Variants in PKLR observed in about 807,000 individuals in gnomAD.
PKLR encodes pyruvate kinase PKLR.
PKLR carries 38 observed loss-of-function variants against 53.6 expected under a neutral mutation model. That is an observed-to-expected ratio of 0.71 (90% CI 0.55 to 0.93). The LOEUF (loss-of-function observed/expected upper bound fraction) is 0.93. Ranked by LOEUF, PKLR falls within the 40% of genes least tolerant of loss-of-function variation. The probability of loss-of-function intolerance (pLI) is 0.00; values close to 1 mark genes in which losing one functional copy is unlikely to be tolerated. For synonymous variants in PKLR, 328 were observed against 316.2 expected, an observed-to-expected ratio of 1.04 and a Z score of -0.39; for missense variants, 702 against 787.3, an observed-to-expected ratio of 0.89 and a Z score of 1.30.
At position 155,298,977 on chromosome 1, in the gene PKLR, T is replaced by C. The variant is rs557773873; in HGVS notation, c.283+1121A>G. ...TCCTTTCTTTCTTTCTTTCTTTCTT[T>C]CTTTCTTTCTTTCTTTCTTTCTTTC... On this transcript the variant is annotated intron_variant, in intron 2 of 10. Transcript: ENST00000342741. 3.8e-3 allele frequency among the ~76,000 whole-genome samples: 322 copies of C among 84,676 alleles called. 3 individuals carry two copies. Among genetic ancestry groups the C allele is most frequent in the African/African-American group, 0.02 (302 of 14,766 alleles). The allele number at this position is 84,676 out of a possible 152,430, so 55.6% of individuals were successfully genotyped here.
rs1482378608 is a variant in PKLR, at chr1:155,293,384, G to T, written c.1270-41C>A. On this transcript the variant is annotated intron_variant, in intron 8 of 10. Transcript: ENST00000342741. This position sits in a 1 kb window ranked among gnomAD's most constrained non-coding sequence, Gnocchi z 4.2. ...TGTTAGTCTGGGAAGGGGCACTGGG[G>T]TATGGAAGGGATTTGGTTCCCTGGC... The T allele has an allele frequency of 2.5e-6, 4 of 1,614,190 alleles. No homozygotes were observed. In the African/African-American group the frequency reaches 4.0e-5, roughly 16 times the overall value.
chr1:155,293,557 T>A lies in PKLR; in HGVS notation c.1150A>T (p.Thr384Ser). 6.2e-7 allele frequency: 1 copy of A among 1,614,204 alleles called. No individual in the cohort carries two copies. Among genetic ancestry groups the A allele is most frequent in the Non-Finnish European group, 8.5e-7 (1 of 1,180,024 alleles). ...GCGACATCGCTTGTCTCTGCCCTCG[T>A]TGGCCGGGGCTTGGTAATCATGCTC... ...LESMITKPRP[T>S]RAETSDVANA... The change falls in exon 8 of 11, where the codon ACG becomes TCG. Residue 384 changes from threonine to serine, a missense_variant. Thr to Ser is a moderately conservative substitution (Grantham distance 58, BLOSUM62 1). Transcript: ENST00000342741. The surrounding 1 kb of genome is among the most constrained non-coding windows in gnomAD (Gnocchi z 4.2).
Position 155,295,484 on chromosome 1 carries a change from C to A in PKLR, c.460G>T (p.Ala154Ser). The A allele has an allele frequency of 2.5e-6, 4 of 1,609,400 alleles. No homozygotes were observed. Among genetic ancestry groups the A allele is most frequent in the Non-Finnish European group, 3.4e-6 (4 of 1,178,080 alleles). ...SPLSYRPVAI[A>S]LDTKGPEIRT... ...ATCTCCGGTCCCTTGGTGTCCAGGG[C>A]GATGGCCACGGGCCGGTAGCTGAGT... Residue 154 changes from alanine (A) to serine (S), a missense_variant, in exon 4 of 11, where the codon GCC (alanine) becomes TCC (serine). By Grantham distance (99) the Ala-to-Ser change is moderately conservative. Around this residue, in one of 2 missense-constraint regions of PKLR, gnomAD observed 519 missense variants for 537.1 expected, o/e 0.97. Transcript: ENST00000342741. This position sits in a 1 kb window ranked among gnomAD's most constrained non-coding sequence, Gnocchi z 4.3.
In PKLR at chr1:155,295,424, C is replaced by G. The variant is rs183197632; in HGVS notation, c.507+13G>C. 1.9e-6 allele frequency: 3 copies of G among 1,610,864 alleles called. No individual in the cohort carries two copies. Among genetic ancestry groups the G allele is most frequent in the Non-Finnish European group, 2.5e-6 (3 of 1,178,630 alleles). Reference sequence around the variant, plus strand: ...CCGGCCCTGGCCCAGCGAGTCCCAGCCCCACTGCTCACCCCCTGCAGGATC... The same window carrying G: ...CCGGCCCTGGCCCAGCGAGTCCCAGGCCCACTGCTCACCCCCTGCAGGATC... On this transcript the variant is annotated intron_variant, in intron 4 of 10. Coordinates refer to ENST00000342741, the MANE Select transcript of PKLR (RefSeq NM_000298.6). The surrounding 1 kb of genome is among the most constrained non-coding windows in gnomAD (Gnocchi z 4.3).
Position 155,295,878 on chromosome 1 carries a change from C to G in PKLR, c.284-122G>C. 1 of 796,924 alleles carries G rather than the reference C, an allele frequency of 1.3e-6. No homozygotes were observed. The highest frequency in any genetic ancestry group is 1.4e-5 in the South Asian group (1 of 70,578). The allele number at this position is 796,924 out of a possible 1,614,324, so 49.4% of individuals were successfully genotyped here. A position where few individuals can be genotyped will look rare whatever the true frequency, so the allele number is the denominator to read the frequency against. On this transcript the variant is annotated intron_variant, in intron 2 of 10. Transcript: ENST00000342741. This position sits in a 1 kb window ranked among gnomAD's most constrained non-coding sequence, Gnocchi z 4.3. ...GGCGTCCTGTTACCTGATCTTTATT[C>G]CCTGATGCAACCCCTGCCCACAGAT...
upstream of PKLR, among the ~76,000 whole-genome samples, chr1:155,306,311 C>T (rs1212242677): frequency 2.6e-5 from 4 of 151,944 alleles, no homozygotes; most frequent in African/African-American, 9.7e-5. The surrounding 1 kb of genome is among the most constrained non-coding windows in gnomAD (Gnocchi z 4.2). Flanking sequence ...CACACATGCA[C>T]AGACACAAAC....
intron 10 of PKLR, among the ~76,000 whole-genome samples, chr1:155,291,544 T>G (rs1674543623): frequency 6.6e-6 from 1 of 151,888 alleles, no homozygotes; most frequent in Middle Eastern, 3.4e-3. Context: ...CAGAGTGTGT[T>G]GCTAAGTAGC....
chr1:155,304,599 G>A (rs954823216), upstream of PKLR, among the ~76,000 whole-genome samples: 9 of 152,166 alleles, frequency 5.9e-5, no homozygotes, highest in Non-Finnish European at 1.0e-4. Flanking sequence ...CCAGCAGAGT[G>A]GAACGGCAAA....
In PKLR at chr1:155,294,511, G is replaced by C. The variant is rs1460894843; in HGVS notation, c.936C>G (p.Ser312Arg). The change falls in exon 6 of 11, where the codon AGC becomes AGG. Residue 312 changes from serine (S) to arginine (R), a missense_variant. Ser to Arg is a moderately radical substitution (Grantham distance 110). Coordinates refer to ENST00000342741, the MANE Select transcript of PKLR (RefSeq NM_000298.6). ...GPEGHGIKII[S>R]KIENHEGVKR... ...TCACGCCTTCGTGGTTCTCAATTTTGCTGATGATCTTGATGCCGTGTCCTT... is the reference window on the plus strand; with the variant it reads ...TCACGCCTTCGTGGTTCTCAATTTTCCTGATGATCTTGATGCCGTGTCCTT... 6.2e-7 allele frequency: 1 copy of C among 1,614,134 alleles called. No individual in the cohort carries two copies. Among genetic ancestry groups the C allele is most frequent in the African/African-American group, 1.3e-5 (1 of 74,948 alleles).
At chr1:155,307,785 T>C in the PKLR span, among the ~76,000 whole-genome samples, 1 of 152,168 alleles carries the variant, frequency 6.6e-6, no homozygotes, top group Non-Finnish European at 1.5e-5. Flanking sequence ...GAGACCAGGC[T>C]GGCCAATCTG....
intron 2 of PKLR, among the ~76,000 whole-genome samples, chr1:155,297,668 G>A (rs1200959962): frequency 6.6e-6 from 1 of 151,450 alleles, no homozygotes; most frequent in Non-Finnish European, 1.5e-5. Flanking sequence ...TCAAAACCCT[G>A]CAGCAGTTTC....
Position 155,294,616 on chromosome 1 carries a change from C to T in PKLR, c.831G>A (p.Glu277=). 1.2e-6 allele frequency: 2 copies of T among 1,614,232 alleles called. No homozygotes were observed. Among genetic ancestry groups the T allele is most frequent in the Non-Finnish European group, 1.7e-6 (2 of 1,180,044 alleles). The change falls in exon 6 of 11, where the codon GAG becomes GAA. Residue 277 remains glutamate (E), a synonymous_variant. Transcript: ENST00000342741. The part of the protein sequence containing the change: ...QDVRDLRFGV[E]HGVDIVFASF... ...AGGCAAAGACGATGTCCACCCCATG[C>T]TCCACCCCGAAGCGCAGGTCTCGGA...
intron 9 of PKLR, among the ~76,000 whole-genome samples, chr1:155,292,241 G>A (rs201873785): frequency 1.7e-3 from 229 of 138,038 alleles, no homozygotes; most frequent in East Asian, 4.4e-3. Context: ...TCTGCATTAA[G>A]AAAAAAAAAA....
chr1:155,295,423 G>T lies in PKLR; in HGVS notation c.507+14C>A, dbSNP rs201156800. On this transcript the variant is annotated intron_variant, in intron 4 of 10. Transcript: ENST00000342741. The surrounding 1 kb of genome is among the most constrained non-coding windows in gnomAD (Gnocchi z 4.3). ...TCCGGCCCTGGCCCAGCGAGTCCCA[G>T]CCCCACTGCTCACCCCCTGCAGGAT... 8.6e-5 allele frequency: 139 copies of T among 1,611,130 alleles called. No individual in the cohort carries two copies. The African/African-American group carries it at 1.6e-3, about 18-fold the overall frequency.
At chr1:155,291,165 C>T (rs912909916) in intron 10 of PKLR, among the ~76,000 whole-genome samples, 15 of 152,014 alleles carry the variant, frequency 9.9e-5, no homozygotes, top group African/African-American at 2.9e-4. Context: ...GTATGTCCCA[C>T]GGGTGGCATG....
At chr1:155,292,378 A>G (rs1180459043) in intron 9 of PKLR, among the ~76,000 whole-genome samples, 1 of 151,892 alleles carries the variant, frequency 6.6e-6, no homozygotes, top group African/African-American at 2.4e-5. Flanking sequence ...GCTCATGCCT[A>G]TAATCCCAGC....
intron 1 of PKLR, 32 bp from the exon 2 acceptor site, chr1:155,300,312 TCACCTGC>T: frequency 1.3e-6 from 2 of 1,542,490 alleles, no homozygotes; most frequent in Non-Finnish European, 1.8e-6. Flanking sequence ...GGACTGCATG[TCACCTGC>T]CCTTCCTCCC....
rs762299669 is a variant in PKLR at position 155,293,628 on chromosome 1, C to T, written c.1117-38G>A. ...GTGGATGTCAAAGTTGTAGGACTCA[C>T]ACTGTGACTGGGGACCCTGCCCAAG... On this transcript the variant is annotated intron_variant, in intron 7 of 10. Coordinates refer to ENST00000342741, the MANE Select transcript of PKLR (RefSeq NM_000298.6). The surrounding 1 kb of genome is among the most constrained non-coding windows in gnomAD (Gnocchi z 4.2). 3.1e-6 allele frequency: 5 copies of T among 1,610,110 alleles called. No individual in the cohort carries two copies. The Admixed American group carries it at 8.3e-5, about 27-fold the overall frequency.
upstream of PKLR, among the ~76,000 whole-genome samples, chr1:155,302,028 CCCTT>C (rs2148221605): frequency 6.6e-6 from 1 of 151,390 alleles, no homozygotes; most frequent in African/African-American, 2.4e-5. Context: ...TTTCCTCCCT[CCCTT>C]CCTTCCTTTT....
Sources: allele counts gnomAD v4.1 joint callset (sites outside exome capture counted in the v4.1 genomes callset), GRCh38; gene constraint gnomAD v4.1.1; regional missense constraint gnomAD v4.1.1; non-coding constraint Gnocchi (gnomAD v3.1); transcripts MANE v1.5; gene names NCBI Gene and HGNC (gene_info 2026-07-23, HGNC 2026-07-21).